Variants in KCNIP4 observed in about 807,000 individuals in gnomAD.
KCNIP4 encodes the protein potassium voltage-gated channel interacting protein 4.
Under a neutral mutation model 34.0 loss-of-function variants are expected in KCNIP4, and 12 were observed. The ratio of observed to expected loss-of-function variants is 0.35; its 90% confidence interval spans 0.23 to 0.57. The LOEUF (loss-of-function observed/expected upper bound fraction) is 0.57. Among genes scored for constraint, KCNIP4 ranks in the 20% least tolerant of loss-of-function variants. The pLI, the probability that KCNIP4 is intolerant of heterozygous loss-of-function variation, is 0.83. For synonymous variants in KCNIP4, 124 were observed against 102.2 expected (o/e 1.21, Z -1.29); for missense variants, 238 against 311.7 (o/e 0.76, Z 1.78).
intron 5 of KCNIP4, among the ~76,000 whole-genome samples, chr4:20,746,333 G>A (rs1165872316): frequency 6.6e-6 from 1 of 151,868 alleles, no homozygotes; most frequent in Non-Finnish European, 1.5e-5. Context: ...GAGAACACAC[G>A]GACATAGGAA....
At chr4:20,932,310 C>T (rs1730564336) in intron 1 of KCNIP4, among the ~76,000 whole-genome samples, 1 of 28,938 alleles carries the variant, frequency 3.5e-5, no homozygotes, top group Admixed American at 4.1e-4. Context: ...CTATAATAGT[C>T]TATAACAGTC....
chr4:21,259,055 G>C (rs1225599866), intron 1 of KCNIP4, among the ~76,000 whole-genome samples: 1 of 152,148 alleles, frequency 6.6e-6, no homozygotes, highest in African/African-American at 2.4e-5. Context: ...AGATGGTCAA[G>C]CTATAGCTCA....
At chr4:21,159,185 G>A (rs1437190313) in intron 1 of KCNIP4, among the ~76,000 whole-genome samples, 1 of 151,978 alleles carries the variant, frequency 6.6e-6, no homozygotes, top group East Asian at 1.9e-4. Context: ...CAAAGTTGGA[G>A]GAATAACAGT....
intron 1 of KCNIP4, among the ~76,000 whole-genome samples, chr4:21,065,767 A>AG (rs1553933180): frequency 1.0e-5 from 1 of 96,244 alleles, no homozygotes; most frequent in South Asian, 3.4e-4. Context: ...TATATATATA[A>AG]CTCAATTTTA....
rs1232143324 is a variant in KCNIP4, at chr4:21,274,301, T to C, written c.62-391592A>G. ...AGGACAGAAAAACTATCCTTGAATA[T>C]GTTTTCAAGATGTGTACTGTTTGAA... On this transcript the variant is annotated intron_variant, in intron 1 of 8. Transcript: ENST00000382152. Among the ~76,000 whole-genome samples, 6 of 152,308 alleles carry C rather than the reference T, an allele frequency of 3.9e-5. No homozygotes were observed. In the East Asian group the frequency reaches 9.6e-4, roughly 24 times the overall value.
chr4:21,173,065 C>T (rs2109301934), intron 1 of KCNIP4, among the ~76,000 whole-genome samples: 1 of 152,250 alleles, frequency 6.6e-6, no homozygotes, highest in East Asian at 1.9e-4. Context: ...CAACCCTTGC[C>T]AGGAAATAGA....
intron 3 of KCNIP4, among the ~76,000 whole-genome samples, chr4:20,827,579 A>T (rs1717910448): frequency 6.6e-6 from 1 of 152,178 alleles, no homozygotes; most frequent in Non-Finnish European, 1.5e-5. Context: ...AATTTTGAGG[A>T]TGCAGAATTC....
At chr4:21,508,074 C>T (rs1399300672) in intron 1 of KCNIP4, among the ~76,000 whole-genome samples, 1 of 152,162 alleles carries the variant, frequency 6.6e-6, no homozygotes, top group African/African-American at 2.4e-5. Flanking sequence ...CAATACTTCA[C>T]ACAGCATCCA....
intron 2 of KCNIP4, among the ~76,000 whole-genome samples, chr4:20,877,233 A>T (rs1318321391): frequency 1.3e-5 from 2 of 152,184 alleles, no homozygotes; most frequent in East Asian, 3.9e-4. Context: ...TTATTGTTAC[A>T]GCTATAGCTA....
intron 1 of KCNIP4, among the ~76,000 whole-genome samples, chr4:21,228,048 A>G (rs773264642): frequency 3.3e-5 from 5 of 152,188 alleles, no homozygotes; most frequent in African/African-American, 1.2e-4. Context: ...TTGCTTCTAA[A>G]TGCTTACATT....
intron 1 of KCNIP4, among the ~76,000 whole-genome samples, chr4:21,688,699 G>T (rs1054328450): frequency 2.0e-5 from 3 of 152,056 alleles, no homozygotes; most frequent in African/African-American, 7.2e-5. Flanking sequence ...GCTCCAGGCA[G>T]ACAACAGGAC....
At chr4:21,771,002 A>G (rs1364209273) in intron 1 of KCNIP4, among the ~76,000 whole-genome samples, 1 of 152,096 alleles carries the variant, frequency 6.6e-6, no homozygotes, top group Non-Finnish European at 1.5e-5. Flanking sequence ...GCATTTTTGC[A>G]TGAAGTCTTT....
chr4:21,770,087 C>T (rs1012155419), intron 1 of KCNIP4, among the ~76,000 whole-genome samples: 3 of 151,838 alleles, frequency 2.0e-5, no homozygotes, highest in Non-Finnish European at 4.4e-5. Flanking sequence ...GTTTGCTGCA[C>T]CTATTGACTT....
intron 1 of KCNIP4, among the ~76,000 whole-genome samples, chr4:21,068,401 T>C (rs1744601998): frequency 6.6e-6 from 1 of 152,176 alleles, no homozygotes; most frequent in Non-Finnish European, 1.5e-5. Context: ...CCCATAATAA[T>C]GAGCATGAAA....
At chr4:21,417,438 G>A (rs1015703565) in intron 1 of KCNIP4, among the ~76,000 whole-genome samples, 142 of 152,276 alleles carry the variant, frequency 9.3e-4, no homozygotes, top group African/African-American at 3.2e-3. Context: ...GAAAATCTGT[G>A]TGGTTATGTC....
chr4:21,147,891 A>T (rs1324703380), intron 1 of KCNIP4, among the ~76,000 whole-genome samples: 1 of 145,746 alleles, frequency 6.9e-6, no homozygotes, highest in Non-Finnish European at 1.5e-5. Context: ...GTGAGCCAAG[A>T]TCACGCCACT....
intron 1 of KCNIP4, among the ~76,000 whole-genome samples, chr4:21,301,954 T>C (rs147543306): frequency 3.8e-4 from 58 of 152,346 alleles, no homozygotes; most frequent in African/African-American, 1.3e-3. Flanking sequence ...TAAATATTTC[T>C]TCCTTAATGT....
chr4:21,580,431 A>G (rs1380804874), intron 1 of KCNIP4, among the ~76,000 whole-genome samples: 222 of 152,230 alleles, frequency 1.5e-3, no homozygotes, highest in African/African-American at 2.4e-5. Flanking sequence ...TGCTCAAGAT[A>G]TTTAAAAGAA....
intron 1 of KCNIP4, among the ~76,000 whole-genome samples, chr4:21,341,942 A>G (rs762962885): frequency 6.6e-5 from 10 of 152,048 alleles, no homozygotes; most frequent in Non-Finnish European, 1.0e-4. Context: ...GAGATCTGCA[A>G]TCAACAAGGT....
Sources: allele counts gnomAD v4.1 joint callset (sites outside exome capture counted in the v4.1 genomes callset), GRCh38; gene constraint gnomAD v4.1.1; transcripts MANE v1.5; gene names NCBI Gene and HGNC (gene_info 2026-07-23, HGNC 2026-07-21).